SYT1: variants seen among roughly 807,000 people sequenced by gnomAD.
SYT1 encodes the protein synaptotagmin 1.
SYT1 carries 8 observed loss-of-function variants against 44.8 expected under a neutral mutation model. The observed-to-expected ratio is 0.18, with a 90% confidence interval of 0.10 to 0.32. The LOEUF (loss-of-function observed/expected upper bound fraction) is 0.32. Ranked by LOEUF, SYT1 falls within the 10% of genes least tolerant of loss-of-function variation. The pLI is 1.00. For synonymous variants in SYT1, 154 were observed against 188.8 expected (o/e 0.82, Z 1.51); for missense variants, 286 against 509.3 (o/e 0.56, Z 4.22).
intron 3 of SYT1, among the ~76,000 whole-genome samples, chr12:79,053,034 G>A (rs985919940): frequency 2.0e-5 from 3 of 152,126 alleles, no homozygotes; most frequent in Non-Finnish European, 4.4e-5. Context: ...TATAAATCAT[G>A]CTGCTATAAA....
intron 1 of SYT1, among the ~76,000 whole-genome samples, chr12:78,916,763 T>C (rs908346200): frequency 4.6e-5 from 7 of 152,062 alleles, no homozygotes; most frequent in African/African-American, 1.7e-4. Flanking sequence ...TTTTGCTACC[T>C]AATTTCTTTT....
chr12:79,159,550 G>T (rs1014355870), intron 3 of SYT1, among the ~76,000 whole-genome samples: 6 of 152,064 alleles, frequency 3.9e-5, no homozygotes, highest in Non-Finnish European at 8.8e-5. Flanking sequence ...TCTTATTATG[G>T]TAATTGTTGT....
Position 79,043,814 on chromosome 12 carries a change from C to T in SYT1, c.-83-3483C>T, listed in dbSNP as rs377304215. 8.5e-3 allele frequency among the ~76,000 whole-genome samples: 1,297 copies of T among 152,200 alleles called. 56 individuals are homozygous for T. Among genetic ancestry groups the T allele is most frequent in the Admixed American group, 0.07 (1,073 of 15,282 alleles). On this transcript the variant is annotated intron_variant, in intron 2 of 10. Transcript: ENST00000261205. ...ACTTCCTTCAGGAGCTCTTTTAGGG[C>T]GGGCCTGGTGGTGACAAAATCTCTC...
chr12:79,165,787 C>T (rs183441119), intron 3 of SYT1, among the ~76,000 whole-genome samples: 1 of 152,036 alleles, frequency 6.6e-6, no homozygotes, highest in Non-Finnish European at 1.5e-5. Flanking sequence ...AATTGTCCAC[C>T]TTCTCCACTG....
chr12:79,024,070 G>A (rs1356310283), intron 2 of SYT1, among the ~76,000 whole-genome samples: 1 of 151,884 alleles, frequency 6.6e-6, no homozygotes, highest in Middle Eastern at 3.4e-3. Flanking sequence ...GGAGAGAACT[G>A]CTGTTTTCCC....
chr12:79,410,368 G>A (rs1196542704), intron 9 of SYT1, among the ~76,000 whole-genome samples: 1 of 152,008 alleles, frequency 6.6e-6, no homozygotes, highest in East Asian at 1.9e-4. Context: ...AGAATCAGGG[G>A]TGTTCAAGGG....
At chr12:79,238,011 G>C (rs1228632750) in intron 4 of SYT1, among the ~76,000 whole-genome samples, 2 of 152,180 alleles carry the variant, frequency 1.3e-5, no homozygotes, top group Admixed American at 6.5e-5. Context: ...ATAACCTCTA[G>C]ACTGTGCCTT....
chr12:79,053,525 A>G (rs1298078161), intron 3 of SYT1, among the ~76,000 whole-genome samples: 1 of 150,022 alleles, frequency 6.7e-6, no homozygotes, highest in Admixed American at 6.7e-5. Context: ...AAATTTAAAA[A>G]AATTCTTATA....
At chr12:79,172,602 G>A (rs868532804) in intron 3 of SYT1, among the ~76,000 whole-genome samples, 1 of 151,574 alleles carries the variant, frequency 6.6e-6, no homozygotes, top group Non-Finnish European at 1.5e-5. Flanking sequence ...TAGTTATGTG[G>A]GGCAATCTAA....
chr12:79,373,129 A>G (rs375917830), intron 9 of SYT1, among the ~76,000 whole-genome samples: 5 of 152,230 alleles, frequency 3.3e-5, no homozygotes, highest in African/African-American at 1.2e-4. Context: ...CAAAAAAAGT[A>G]ATTATTGGTA....
In SYT1 at chr12:78,929,446, A is replaced by AAAAAAAAAAAAAAAAAAAAG. The variant is rs373264605; in HGVS notation, c.-216-48353_-216-48352insAAAAAAAAAAAAAAAAAAAG. Among the ~76,000 whole-genome samples, 73 of 128,586 alleles carry AAAAAAAAAAAAAAAAAAAAG rather than the reference A, an allele frequency of 5.7e-4. 15 individuals are homozygous for AAAAAAAAAAAAAAAAAAAAG. Among genetic ancestry groups the AAAAAAAAAAAAAAAAAAAAG allele is most frequent in the African/African-American group, 2.6e-3 (67 of 25,902 alleles). The allele number at this position is 128,586 out of a possible 152,430, so 84.4% of individuals were successfully genotyped here. A position where few individuals can be genotyped will look rare whatever the true frequency, so the allele number is the denominator to read the frequency against. ...AAAAAAAAAAAAAAAAAAAAAAAAAAGGTTATTAGCAGCAATTAGTTTTAT... is the reference window on the plus strand; with the variant it reads ...AAAAAAAAAAAAAAAAAAAAAAAAAAAAAAAAAAAAAAAAAAAAAGGGTTATTAGCAGCAATTAGTTTTAT... On this transcript the variant is annotated intron_variant, in intron 1 of 10. Coordinates refer to ENST00000261205, the MANE Select transcript of SYT1 (RefSeq NM_005639.3).
At chr12:79,292,759 C>T (rs560261732) in intron 6 of SYT1, among the ~76,000 whole-genome samples, 25 of 152,118 alleles carry the variant, frequency 1.6e-4, no homozygotes, top group Non-Finnish European at 2.2e-4. Flanking sequence ...GGTAACAAAA[C>T]GGACATTTTT....
intron 2 of SYT1, among the ~76,000 whole-genome samples, chr12:79,042,123 A>G (rs1283139258): frequency 2.0e-5 from 3 of 150,526 alleles, no homozygotes; most frequent in South Asian, 4.2e-4. Context: ...TTGGTATCAG[A>G]ATGATGCTGG....
intron 2 of SYT1, among the ~76,000 whole-genome samples, chr12:78,983,953 C>G (rs1459808012): frequency 6.6e-6 from 1 of 151,766 alleles, no homozygotes; most frequent in Non-Finnish European, 1.5e-5. Flanking sequence ...TGGTCCTTAG[C>G]AATAATCAAT....
chr12:79,024,192 G>A (rs1420555615), intron 2 of SYT1, among the ~76,000 whole-genome samples: 1 of 151,702 alleles, frequency 6.6e-6, no homozygotes, highest in Non-Finnish European at 1.5e-5. Flanking sequence ...AAATAGAATA[G>A]AATCATTTAC....
At chr12:78,919,342 G>A (rs1298313696) in intron 1 of SYT1, among the ~76,000 whole-genome samples, 1 of 152,070 alleles carries the variant, frequency 6.6e-6, no homozygotes, top group Admixed American at 6.6e-5. Context: ...GCTTCTGAAG[G>A]ATGTCAAGGG....
chr12:79,290,056 T>C (rs1363171380), intron 5 of SYT1, among the ~76,000 whole-genome samples: 3 of 152,212 alleles, frequency 2.0e-5, no homozygotes, highest in Non-Finnish European at 4.4e-5. Flanking sequence ...CAATGAAGCA[T>C]AGATTAAACT....
intron 1 of SYT1, among the ~76,000 whole-genome samples, chr12:78,896,747 C>A (rs537159873): frequency 7.6e-4 from 115 of 151,686 alleles, no homozygotes; most frequent in Non-Finnish European, 1.5e-3. Flanking sequence ...TATGATATAT[C>A]TTCATTTTAA....
At chr12:79,405,780 C>T (rs929776292) in intron 9 of SYT1, among the ~76,000 whole-genome samples, 44 of 152,236 alleles carry the variant, frequency 2.9e-4, no homozygotes, top group African/African-American at 9.4e-4. Context: ...TTCTTTTCAG[C>T]TCCTCTATCC....
Sources: allele counts gnomAD v4.1 joint callset (sites outside exome capture counted in the v4.1 genomes callset), GRCh38; gene constraint gnomAD v4.1.1; transcripts MANE v1.5; gene names NCBI Gene and HGNC (gene_info 2026-07-23, HGNC 2026-07-21).